LAMB4: variants seen among roughly 807,000 people sequenced by gnomAD.
The protein encoded by LAMB4 is laminin subunit beta 4.
LAMB4 carries 196 observed loss-of-function variants against 199.2 expected under a neutral mutation model. The observed-to-expected ratio is 0.98, with a 90% CI of 0.88 to 1.11. The LOEUF is 1.11. Ranked by LOEUF, LAMB4 falls within the 50% of genes least tolerant of loss-of-function variation. The probability of loss-of-function intolerance (pLI) is 0.00; values close to 1 mark genes in which losing one functional copy is unlikely to be tolerated. For missense variants in LAMB4, 2,080 were observed against 2,171.2 expected, an observed-to-expected ratio of 0.96 and a Z score of 0.83; for synonymous variants, 744 against 770.6, an observed-to-expected ratio of 0.97 and a Z score of 0.57.
At chr7:108,057,763 G>C (rs1584649926) in intron 24 of LAMB4, 69 bp downstream of exon 24, 1 of 969,600 alleles carries the variant, frequency 1.0e-6, no homozygotes, top group East Asian at 2.4e-5. Flanking sequence ...AATTCAGTTG[G>C]TTCATAGCAT....
Position 108,129,954 on chromosome 7 carries a change from T to A in LAMB4, c.-34+352A>T, listed in dbSNP as rs972705697. Among the ~76,000 whole-genome samples, 3 of 152,236 alleles carry A rather than the reference T, an allele frequency of 2.0e-5. No individual in the cohort carries two copies. The South Asian group carries it at 6.2e-4, about 32-fold the overall frequency. ...CTAATGCATTTAAACTTTTATAAGT[T>A]GTCATAAGTTTTATAACCATAACAA... On this transcript the variant is annotated intron_variant, in intron 1 of 33. Transcript: ENST00000388781.
rs1211410295 is a variant in LAMB4, at chr7:108,106,584, A to G, written c.592-12T>C. The G allele has an allele frequency of 7.1e-7, 1 of 1,407,560 alleles. No homozygotes were observed. Among genetic ancestry groups the G allele is most frequent in the Non-Finnish European group, 1.0e-6 (1 of 999,006 alleles). The allele number at this position is 1,407,560 out of a possible 1,614,324, so 87.2% of individuals were successfully genotyped here. ...ACTTTTAAAACAACCTGTAAAACAA[A>G]TATAGATACATTTATAGTATATTAC... On this transcript the variant is annotated splice_polypyrimidine_tract_variant and intron_variant, in intron 6 of 33. Transcript: ENST00000388781.
chr7:108,088,204 C>G (rs2150601248), intron 14 of LAMB4, among the ~76,000 whole-genome samples: 1 of 152,104 alleles, frequency 6.6e-6, no homozygotes, highest in Admixed American at 6.5e-5. Flanking sequence ...CCTCTGTCAC[C>G]CAGGCTGGAG....
At chr7:108,115,062 G>A (rs909012311) in intron 3 of LAMB4, among the ~76,000 whole-genome samples, 1 of 152,124 alleles carries the variant, frequency 6.6e-6, no homozygotes, top group African/African-American at 2.4e-5. Flanking sequence ...TCAGCATAAT[G>A]GCAGCAGGCC....
intron 25 of LAMB4, among the ~76,000 whole-genome samples, chr7:108,055,248 A>G (rs1006273764): frequency 6.6e-6 from 1 of 150,400 alleles, no homozygotes; most frequent in Non-Finnish European, 1.5e-5. Flanking sequence ...GTGCAATGGC[A>G]TGATCTTGGG....
intron 14 of LAMB4, among the ~76,000 whole-genome samples, chr7:108,087,788 T>C (rs1213492950): frequency 6.6e-6 from 1 of 152,242 alleles, no homozygotes; most frequent in Non-Finnish European, 1.5e-5. Context: ...TTCAACTCTC[T>C]AACCCTTCAG....
chr7:108,127,008 C>T (rs1480038905), intron 1 of LAMB4, among the ~76,000 whole-genome samples: 1 of 152,044 alleles, frequency 6.6e-6, no homozygotes, highest in East Asian at 1.9e-4. Context: ...ATAAAACACT[C>T]CCTAGGGGAT....
intron 30 of LAMB4, among the ~76,000 whole-genome samples, chr7:108,036,076 T>C (rs904546592): frequency 1.3e-5 from 2 of 152,110 alleles, no homozygotes; most frequent in African/African-American, 4.8e-5. Context: ...CAGGCTGGTC[T>C]CTAACTCCTA....
At chr7:108,068,183 G>A in intron 18 of LAMB4, 24 bp from the exon 19 acceptor site, 1 of 1,612,702 alleles carries the variant, frequency 6.2e-7, no homozygotes, top group Non-Finnish European at 8.5e-7. Flanking sequence ...TGGAAGGGAG[G>A]TAGAAATGAA....
At chr7:108,069,088 A>G (rs1398923865) in intron 18 of LAMB4, among the ~76,000 whole-genome samples, 1 of 152,164 alleles carries the variant, frequency 6.6e-6, no homozygotes, top group Non-Finnish European at 1.5e-5. Flanking sequence ...TTTGCCTAAC[A>G]TTCAGGAAGC....
chr7:108,086,995 T>C (rs433534), intron 14 of LAMB4, among the ~76,000 whole-genome samples: 63,918 of 151,978 alleles, frequency 0.42, 13,741 homozygotes, highest in East Asian at 0.58. Flanking sequence ...GACTTCAGAT[T>C]GTGGAGAGCC....
In LAMB4 at chr7:108,049,461, A is replaced by G. The variant is rs755446180; in HGVS notation, c.3987T>C (p.Ser1329=). The G allele has an allele frequency of 6.3e-7, 1 of 1,598,012 alleles. No individual in the cohort carries two copies. The highest frequency in any genetic ancestry group is 8.6e-7 in the Non-Finnish European group (1 of 1,166,286). The part of the protein sequence containing the change: ...SSAEKKINET[S]STINTSANTR... ...TATTTGCAGAGGTATTAATGGTGGA[A>G]CTAGTTTCATTAATTTTCTTTTCAG... is the stretch of plus-strand genomic sequence containing the variant. Residue 1329 remains serine (S), a synonymous_variant, in exon 27 of 34, where the codon AGT becomes AGC. Transcript: ENST00000388781.
At chr7:108,016,160 C>T in the LAMB4 span, among the ~76,000 whole-genome samples, 1 of 152,224 alleles carries the variant, frequency 6.6e-6, no homozygotes. Flanking sequence ...TCCCATCACA[C>T]CTGCCTTGCC....
At chr7:108,017,728 T>G in the LAMB4 span, among the ~76,000 whole-genome samples, 6 of 152,120 alleles carry the variant, frequency 3.9e-5, no homozygotes, top group African/African-American at 9.7e-5. Context: ...GATGACAATT[T>G]TAAAGTAGGC....
At chr7:108,065,635 T>G (rs1025734659) in intron 21 of LAMB4, 127 bp downstream of exon 21, 3 of 650,002 alleles carry the variant, frequency 4.6e-6, no homozygotes, top group Non-Finnish European at 7.5e-6. Flanking sequence ...ATTTATCACA[T>G]TGTGTCTTCT....
At chr7:108,024,242 A>G (rs774178107) in intron 33 of LAMB4, 64 bp from the exon 34 acceptor site, 26 of 938,318 alleles carry the variant, frequency 2.8e-5, no homozygotes, top group Admixed American at 1.5e-4. Flanking sequence ...GGATACCTAC[A>G]TTATACCAAA....
At chr7:108,112,457 A>G (rs2038263046) in intron 3 of LAMB4, among the ~76,000 whole-genome samples, 1 of 150,498 alleles carries the variant, frequency 6.6e-6, no homozygotes. Flanking sequence ...ACACCCGGCT[A>G]TTTTTTTGTA....
At chr7:108,066,680 A>C (rs1460479080) in intron 19 of LAMB4, 80 bp from the exon 20 acceptor site, 47 of 915,716 alleles carry the variant, frequency 5.1e-5, no homozygotes, top group Middle Eastern at 2.3e-4. Flanking sequence ...CTGGTGTCTC[A>C]TTTCCTTTCC....
At chr7:108,048,360 T>G (rs1487442954) in intron 27 of LAMB4, among the ~76,000 whole-genome samples, 1 of 152,040 alleles carries the variant, frequency 6.6e-6, no homozygotes, top group Admixed American at 6.6e-5. Context: ...GAGACAGGGT[T>G]TCACCATTTT....
Sources: allele counts gnomAD v4.1 joint callset (sites outside exome capture counted in the v4.1 genomes callset), GRCh38; gene constraint gnomAD v4.1.1; transcripts MANE v1.5; gene names NCBI Gene and HGNC (gene_info 2026-07-23, HGNC 2026-07-21).